CDK14: variants seen among roughly 807,000 people sequenced by gnomAD.
The protein encoded by CDK14 is cyclin dependent kinase 14, also known as cyclin-dependent kinase 14.
CDK14 carries 34 observed loss-of-function variants against 60.7 expected under a neutral mutation model. The ratio of observed to expected loss-of-function variants is 0.56; its 90% CI spans 0.43 to 0.75. The LOEUF is 0.75. Among genes scored for constraint, CDK14 ranks in the 30% least tolerant of loss-of-function variants. The pLI is 0.00. For synonymous variants in CDK14, 197 were observed against 203.7 expected (o/e 0.97, Z 0.28); for missense variants, 482 against 564.1 (o/e 0.85, Z 1.47).
intron 2 of CDK14, among the ~76,000 whole-genome samples, chr7:90,615,337 C>G (rs188187064): frequency 8.0e-4 from 122 of 152,292 alleles, no homozygotes; most frequent in African/African-American, 2.9e-3. Flanking sequence ...GTCCTGGATT[C>G]TACAATTCTG....
chr7:90,994,280 T>C (rs80164614), intron 10 of CDK14, among the ~76,000 whole-genome samples: 1,909 of 152,312 alleles, frequency 0.013, 20 homozygotes, highest in Non-Finnish European at 0.02. Context: ...CTTAGGGCTC[T>C]CCAAGGGTTC....
intron 2 of CDK14, among the ~76,000 whole-genome samples, chr7:90,693,943 A>G (rs1170840039): frequency 6.6e-6 from 1 of 152,190 alleles, no homozygotes; most frequent in African/African-American, 2.4e-5. Context: ...ATCATTGAGG[A>G]GGCACAAGTA....
intron 3 of CDK14, among the ~76,000 whole-genome samples, chr7:90,746,989 G>C (rs543832944): frequency 6.6e-6 from 1 of 152,158 alleles, no homozygotes; most frequent in Non-Finnish European, 1.5e-5. Context: ...ATGGGATACA[G>C]TAAATATTTT....
At chr7:90,862,902 A>G (rs1316835923) in intron 5 of CDK14, among the ~76,000 whole-genome samples, 2 of 152,152 alleles carry the variant, frequency 1.3e-5, no homozygotes, top group Non-Finnish European at 2.9e-5. Context: ...TTTTCTGGCC[A>G]GGCACTGTGT....
intron 14 of CDK14, among the ~76,000 whole-genome samples, chr7:91,144,960 C>T (rs1385258700): frequency 1.3e-5 from 2 of 152,172 alleles, no homozygotes; most frequent in African/African-American, 4.8e-5. Context: ...GGAGACTGTT[C>T]CTTCCTAAGG....
intron 2 of CDK14, among the ~76,000 whole-genome samples, chr7:90,622,980 C>T (rs896900351): frequency 1.4e-5 from 2 of 144,502 alleles, no homozygotes; most frequent in African/African-American, 5.1e-5. Flanking sequence ...TCTGGTTTTC[C>T]GTCCTTCTAT....
intron 9 of CDK14, among the ~76,000 whole-genome samples, chr7:90,981,613 C>T (rs932101748): frequency 1.3e-5 from 2 of 152,092 alleles, no homozygotes; most frequent in Non-Finnish European, 2.9e-5. Flanking sequence ...TTGGTCTTAA[C>T]CCCTAGGTTT....
intron 10 of CDK14, among the ~76,000 whole-genome samples, chr7:90,992,967 G>A (rs931558487): frequency 5.9e-5 from 9 of 152,174 alleles, no homozygotes; most frequent in Non-Finnish European, 7.4e-5. Flanking sequence ...TTCTGAGTCA[G>A]TTCACCATGA....
At chr7:90,975,781 A>G (rs1795053266) in intron 9 of CDK14, among the ~76,000 whole-genome samples, 1 of 152,132 alleles carries the variant, frequency 6.6e-6, no homozygotes, top group Admixed American at 6.6e-5. Flanking sequence ...ATGAGTGAGA[A>G]CATGCGGTGT....
At chr7:90,819,665 C>A (rs560512700) in intron 5 of CDK14, among the ~76,000 whole-genome samples, 1 of 152,070 alleles carries the variant, frequency 6.6e-6, no homozygotes, top group East Asian at 1.9e-4. Context: ...ATGTAGAAAA[C>A]CAGTTTTTTG....
At chr7:90,799,562 C>A (rs2116997693) in intron 5 of CDK14, among the ~76,000 whole-genome samples, 1 of 151,994 alleles carries the variant, frequency 6.6e-6, no homozygotes, top group South Asian at 2.1e-4. Flanking sequence ...TGGTGGCGGG[C>A]ACCTGTAATC....
chr7:90,721,583 G>C (rs1463712260), intron 2 of CDK14, among the ~76,000 whole-genome samples: 7 of 151,986 alleles, frequency 4.6e-5, no homozygotes. Flanking sequence ...GATGTTTCCT[G>C]GCTCTTTCAC....
intron 1 of CDK14, among the ~76,000 whole-genome samples, chr7:90,601,334 C>A (rs1168400755): frequency 2.0e-5 from 3 of 152,164 alleles, no homozygotes; most frequent in Non-Finnish European, 4.4e-5. Flanking sequence ...CATCAGTGAC[C>A]TGATGAACAT....
chr7:91,178,733 A>G (rs1183988096), intron 14 of CDK14, among the ~76,000 whole-genome samples: 1 of 151,588 alleles, frequency 6.6e-6, no homozygotes, highest in African/African-American at 2.4e-5. Flanking sequence ...GCCATCAGAG[A>G]AATGCAAATC....
At chr7:90,847,966 C>T (rs1457448530) in intron 5 of CDK14, among the ~76,000 whole-genome samples, 2 of 152,290 alleles carry the variant, frequency 1.3e-5, no homozygotes, top group South Asian at 2.1e-4. Flanking sequence ...TATTTGTTCA[C>T]ATCCTTGTCA....
At chr7:91,050,678 A>G (rs1353294731) in intron 11 of CDK14, among the ~76,000 whole-genome samples, 1 of 152,192 alleles carries the variant, frequency 6.6e-6, no homozygotes, top group African/African-American at 2.4e-5. Flanking sequence ...CTATAAAGGA[A>G]TTCATGAGAC....
chr7:90,879,129 AG>A, intron 6 of CDK14, among the ~76,000 whole-genome samples: 1 of 152,316 alleles, frequency 6.6e-6, no homozygotes, highest in South Asian at 2.1e-4. Flanking sequence ...TCCTGACTGA[AG>A]TATCCCAAAT....
intron 2 of CDK14, among the ~76,000 whole-genome samples, chr7:90,618,587 G>A (rs1053450836): frequency 6.6e-6 from 1 of 152,050 alleles, no homozygotes; most frequent in Non-Finnish European, 1.5e-5. Context: ...TTTTTGATGT[G>A]CAACTGGTGC....
chr7:91,171,208 G>T (rs1377792927), intron 14 of CDK14, among the ~76,000 whole-genome samples: 1 of 151,906 alleles, frequency 6.6e-6, no homozygotes, highest in African/African-American at 2.4e-5. Flanking sequence ...AAATTAGCTG[G>T]GCGTGGTGGC....
Sources: allele counts gnomAD v4.1 joint callset (sites outside exome capture counted in the v4.1 genomes callset), GRCh38; gene constraint gnomAD v4.1.1; transcripts MANE v1.5; gene names NCBI Gene and HGNC (gene_info 2026-07-23, HGNC 2026-07-21).